The following PDE1A variants were observed in gnomAD, a reference collection of about 807,000 sequenced individuals.
PDE1A encodes dual specificity calcium/calmodulin-dependent 3',5'-cyclic nucleotide phosphodiesterase 1A.
PDE1A carries 35 observed loss-of-function variants against 61.7 expected under a neutral mutation model. The ratio of observed to expected loss-of-function variants is 0.57; its 90% CI spans 0.43 to 0.75. The LOEUF is 0.75. PDE1A is among the 30% of genes least tolerant of loss of function. The pLI, the probability that PDE1A is intolerant of heterozygous loss-of-function variation, is 0.00. For synonymous variants in PDE1A, 232 were observed against 213.2 expected, an observed-to-expected ratio of 1.09 and a Z score of -0.77; for missense variants, 597 against 630.6, an observed-to-expected ratio of 0.95 and a Z score of 0.57.
At chr2:182,153,359 C>T (rs184203866) in intron 13 of PDE1A, among the ~76,000 whole-genome samples, 1 of 152,102 alleles carries the variant, frequency 6.6e-6, no homozygotes, top group East Asian at 1.9e-4. Flanking sequence ...TACGGTGGAG[C>T]CTGAGCAAAG....
At chr2:182,692,067 CT>C in the PDE1A span, among the ~76,000 whole-genome samples, 5 of 152,176 alleles carry the variant, frequency 3.3e-5, no homozygotes, top group African/African-American at 1.2e-4. Context: ...CACTTTTACA[CT>C]GTTGGTAGGA....
intron 2 of PDE1A, among the ~76,000 whole-genome samples, chr2:182,478,949 T>A (rs528054227): frequency 6.6e-6 from 1 of 151,916 alleles, no homozygotes; most frequent in Non-Finnish European, 1.5e-5. Flanking sequence ...AAAATTATAA[T>A]GGCACAATGT....
intron 2 of PDE1A, among the ~76,000 whole-genome samples, chr2:182,503,856 T>C (rs999177648): frequency 6.6e-6 from 1 of 152,218 alleles, no homozygotes; most frequent in Non-Finnish European, 1.5e-5. Context: ...TATTGTTATA[T>C]CCCTGGTTCC....
At chr2:182,495,905 T>C (rs1183865225) in intron 2 of PDE1A, among the ~76,000 whole-genome samples, 1 of 152,162 alleles carries the variant, frequency 6.6e-6, no homozygotes, top group African/African-American at 2.4e-5. Context: ...TAATCTGGAG[T>C]GTCAATGCAC....
chr2:182,643,008 G>C, the PDE1A span, among the ~76,000 whole-genome samples: 1 of 152,182 alleles, frequency 6.6e-6, no homozygotes, highest in Non-Finnish European at 1.5e-5. Flanking sequence ...GTTACAAGGA[G>C]ACCTGATGCC....
chr2:182,386,881 G>A (rs1701136919), intron 1 of PDE1A, among the ~76,000 whole-genome samples: 1 of 152,182 alleles, frequency 6.6e-6, no homozygotes, highest in Non-Finnish European at 1.5e-5. Flanking sequence ...GGGAGGTGAG[G>A]AGCCCCTCTG....
At chr2:182,261,955 C>A (rs1455816953) in intron 2 of PDE1A, among the ~76,000 whole-genome samples, 2 of 151,932 alleles carry the variant, frequency 1.3e-5, no homozygotes, top group East Asian at 3.9e-4. Flanking sequence ...AATCTTAAAC[C>A]TGTTAAGTTG....
the PDE1A span, among the ~76,000 whole-genome samples, chr2:182,535,715 T>C: frequency 1.3e-5 from 2 of 152,158 alleles, no homozygotes; most frequent in Admixed American, 6.5e-5. Flanking sequence ...AATATTTAGA[T>C]TGTTTTCAGT....
intron 13 of PDE1A, among the ~76,000 whole-genome samples, chr2:182,174,122 C>T (rs1692505327): frequency 1.3e-5 from 2 of 151,884 alleles, no homozygotes; most frequent in Admixed American, 6.6e-5. Flanking sequence ...AGAGTCACTG[C>T]TCTGTAACTA....
chr2:182,444,938 T>C (rs1045259061), intron 2 of PDE1A, among the ~76,000 whole-genome samples: 2 of 152,054 alleles, frequency 1.3e-5, no homozygotes, highest in Non-Finnish European at 1.5e-5. Flanking sequence ...GCTAAAACAG[T>C]CCTGAGATAC....
At chr2:182,684,645 G>A in the PDE1A span, among the ~76,000 whole-genome samples, 2 of 152,138 alleles carry the variant, frequency 1.3e-5, no homozygotes, top group Non-Finnish European at 2.9e-5. Flanking sequence ...CCGTGTCCTG[G>A]ATTCAAGTGA....
the PDE1A span, among the ~76,000 whole-genome samples, chr2:182,674,926 T>C: frequency 1.3e-5 from 2 of 152,122 alleles, no homozygotes; most frequent in African/African-American, 2.4e-5. Context: ...GATTTTCTTT[T>C]CAAAAAAATT....
At chr2:182,259,768 C>T (rs934803112) in intron 2 of PDE1A, among the ~76,000 whole-genome samples, 2 of 152,170 alleles carry the variant, frequency 1.3e-5, no homozygotes, top group Non-Finnish European at 2.9e-5. Context: ...AGCACAATAC[C>T]GATCTTGAAA....
chr2:182,285,301 G>C (rs1235039438), intron 1 of PDE1A, among the ~76,000 whole-genome samples: 2 of 151,958 alleles, frequency 1.3e-5, no homozygotes, highest in Non-Finnish European at 2.9e-5. Context: ...TCTTATTTTT[G>C]TTCAAGCAAT....
chr2:182,466,329 A>G (rs936325370), intron 2 of PDE1A, among the ~76,000 whole-genome samples: 3 of 152,040 alleles, frequency 2.0e-5, no homozygotes, highest in African/African-American at 7.2e-5. Context: ...GACTAAAATC[A>G]AACTCTTAGA....
chr2:182,460,665 A>G (rs1278320326), intron 2 of PDE1A, among the ~76,000 whole-genome samples: 2 of 152,202 alleles, frequency 1.3e-5, no homozygotes, highest in African/African-American at 4.8e-5. Flanking sequence ...GAATTGGATT[A>G]AGTATGCATA....
At chr2:182,350,066 G>GC (rs1406479210) in intron 1 of PDE1A, among the ~76,000 whole-genome samples, 1 of 151,950 alleles carries the variant, frequency 6.6e-6, no homozygotes, top group African/African-American at 2.4e-5. Flanking sequence ...TACTTATCCT[G>GC]CCCCCACCGA....
the PDE1A span, among the ~76,000 whole-genome samples, chr2:182,668,228 A>T: frequency 6.6e-6 from 1 of 152,176 alleles, no homozygotes; most frequent in Non-Finnish European, 1.5e-5. Context: ...TCAGAGACGT[A>T]GGATTTGTAG....
chr2:182,154,824 T>C (rs986078984), intron 13 of PDE1A, among the ~76,000 whole-genome samples: 5 of 152,176 alleles, frequency 3.3e-5, no homozygotes, highest in Non-Finnish European at 7.3e-5. Context: ...AATTTTCTGG[T>C]TTGTTACCAT....
Sources: gnomAD v4.1 joint callset for allele counts (sites outside exome capture counted in the v4.1 genomes callset) on GRCh38, gnomAD v4.1.1 for gene constraint, MANE v1.5 for transcripts, NCBI Gene and HGNC (gene_info 2026-07-23, HGNC 2026-07-21) for gene names.